CCDC148: variants seen among roughly 807,000 people sequenced by gnomAD.
The protein encoded by CCDC148 is coiled-coil domain-containing protein 148.
In CCDC148, 89 loss-of-function variants were observed where a neutral mutation model predicts 85.7. The ratio of observed to expected loss-of-function variants is 1.04; its 90% confidence interval spans 0.87 to 1.24. The LOEUF is 1.24. Ranked by LOEUF, CCDC148 falls within the 50% of genes most tolerant of loss-of-function variation. The pLI, the probability that CCDC148 is intolerant of heterozygous loss-of-function variation, is 0.00. For synonymous variants in CCDC148, 230 were observed against 213.9 expected, an observed-to-expected ratio of 1.08 and a Z score of -0.66; for missense variants, 692 against 671.7, an observed-to-expected ratio of 1.03 and a Z score of -0.33.
chr2:158,219,757 C>A (rs541918951), intron 11 of CCDC148, among the ~76,000 whole-genome samples: 6 of 152,188 alleles, frequency 3.9e-5, no homozygotes, highest in Non-Finnish European at 8.8e-5. Context: ...TCTTAACGCA[C>A]CCAAGAACTT....
At chr2:158,236,264 C>T (rs1426248765) in intron 10 of CCDC148, 2 of 152,084 alleles carry the variant, frequency 1.3e-5, no homozygotes, top group Non-Finnish European at 2.9e-5. Flanking sequence ...GTGATGCAGT[C>T]CCATGTCCTT....
chr2:158,223,216 ACTG>A (rs1687291405), intron 10 of CCDC148, among the ~76,000 whole-genome samples: 1 of 152,120 alleles, frequency 6.6e-6, no homozygotes, highest in Non-Finnish European at 1.5e-5. Context: ...ATCCTCACTC[ACTG>A]CTAGCACAGC....
chr2:158,436,894 C>G (rs2105338300), intron 1 of CCDC148, among the ~76,000 whole-genome samples: 1 of 152,276 alleles, frequency 6.6e-6, no homozygotes, highest in South Asian at 2.1e-4. Context: ...GGATAAATTC[C>G]TCGACACATA....
At chr2:158,440,301 T>C (rs1379942087) in intron 1 of CCDC148, among the ~76,000 whole-genome samples, 6 of 152,186 alleles carry the variant, frequency 3.9e-5, no homozygotes, top group African/African-American at 1.2e-4. Flanking sequence ...AACTGTTAAA[T>C]AGTTAAACAT....
chr2:158,191,091 A>T (rs1428645762), intron 11 of CCDC148, among the ~76,000 whole-genome samples: 1 of 152,046 alleles, frequency 6.6e-6, no homozygotes, highest in East Asian at 1.9e-4. Context: ...CTGGAGATAG[A>T]CATCTGTATG....
chr2:158,291,800 C>T (rs1228936637), intron 9 of CCDC148, among the ~76,000 whole-genome samples: 1 of 152,108 alleles, frequency 6.6e-6, no homozygotes, highest in Non-Finnish European at 1.5e-5. Context: ...GGTAGGTGCA[C>T]AAAAACTATT....
chr2:158,374,209 G>A (rs1013912242), intron 1 of CCDC148, among the ~76,000 whole-genome samples: 7 of 152,040 alleles, frequency 4.6e-5, no homozygotes, highest in African/African-American at 1.7e-4. Context: ...TTTCAGCACT[G>A]GCTCTAAGTT....
At chr2:158,205,809 T>A (rs1310942197) in intron 11 of CCDC148, among the ~76,000 whole-genome samples, 2 of 152,164 alleles carry the variant, frequency 1.3e-5, no homozygotes, top group Non-Finnish European at 1.5e-5. Context: ...CAGGCCATGA[T>A]GCAGATGGCA....
chr2:158,450,278 A>C (rs1688352946), intron 1 of CCDC148, among the ~76,000 whole-genome samples: 1 of 152,224 alleles, frequency 6.6e-6, no homozygotes, highest in South Asian at 2.1e-4. Context: ...TCAGGAAATA[A>C]TGAGGTCATA....
At chr2:158,437,181 G>T (rs939056337) in intron 1 of CCDC148, among the ~76,000 whole-genome samples, 49 of 152,060 alleles carry the variant, frequency 3.2e-4, no homozygotes, top group African/African-American at 1.1e-3. Context: ...CCAAAAAAGA[G>T]AATTTTAGAC....
Position 158,302,188 on chromosome 2 carries a change from A to G in CCDC148, c.1110+7245T>C, listed in dbSNP as rs1475230224. On this transcript the variant is annotated intron_variant, in intron 9 of 13. Coordinates refer to ENST00000283233, the MANE Select transcript of CCDC148 (RefSeq NM_138803.4). ...TAGAGGAAGGCCAGCACCTGGCAAG[A>G]GACAGAAAGGCATAGGGTGGGGAGG... Among the ~76,000 whole-genome samples the G allele has an allele frequency of 2.0e-4, 30 of 152,156 alleles. 1 individual carries two copies. Among genetic ancestry groups the G allele is most frequent in the Admixed American group, 2.0e-3 (30 of 15,280 alleles).
intron 1 of CCDC148, among the ~76,000 whole-genome samples, chr2:158,373,596 T>C (rs1414239928): frequency 6.6e-6 from 1 of 152,076 alleles, no homozygotes; most frequent in African/African-American, 2.4e-5. Context: ...CTTGTACTAC[T>C]ATTACACTTT....
Position 158,337,857 on chromosome 2 carries a change from G to A in CCDC148, c.764+869C>T, listed in dbSNP as rs114360999. Among the ~76,000 whole-genome samples, 882 of 152,280 alleles carry A rather than the reference G, an allele frequency of 5.8e-3. 5 individuals are homozygous for A. Among genetic ancestry groups the A allele is most frequent in the Non-Finnish European group, 9.6e-3 (652 of 68,032 alleles). ...TTCTTACAATTAATAGTTTCATACA[G>A]AGGAGCTGCAGTTCACAGGCAATTC... On this transcript the variant is annotated intron_variant, in intron 7 of 13. Coordinates refer to ENST00000283233, the MANE Select transcript of CCDC148 (RefSeq NM_138803.4).
chr2:158,442,992 G>A (rs1197279352), intron 1 of CCDC148, among the ~76,000 whole-genome samples: 1 of 152,142 alleles, frequency 6.6e-6, no homozygotes, highest in Non-Finnish European at 1.5e-5. Flanking sequence ...ATGACTACAG[G>A]TAGTGGCTCC....
rs189369528 is a variant in CCDC148, at chr2:158,224,290, A to G, written c.1252-3577T>C. 2.7e-3 allele frequency among the ~76,000 whole-genome samples: 409 copies of G among 152,318 alleles called. 3 individuals carry two copies. The highest frequency in any genetic ancestry group is 9.2e-3 in the African/African-American group (383 of 41,568). On this transcript the variant is annotated intron_variant, in intron 10 of 13. Transcript: ENST00000283233. ...AAACGAATAAAAAATAAATGAACAA[A>G]GCCTCCAAGAAATATGGGACTATGT...
intron 11 of CCDC148, among the ~76,000 whole-genome samples, chr2:158,187,921 TA>T (rs1685231500): frequency 6.6e-6 from 1 of 152,030 alleles, no homozygotes. Flanking sequence ...CAAGTGTAAC[TA>T]TATTACATTG....
intron 11 of CCDC148, among the ~76,000 whole-genome samples, chr2:158,187,854 C>A (rs1041213574): frequency 4.6e-5 from 7 of 152,006 alleles, no homozygotes; most frequent in African/African-American, 1.7e-4. Context: ...GTCCCAGATC[C>A]TTTGAGCTTT....
chr2:158,283,583 C>T (rs1690452405), intron 9 of CCDC148, among the ~76,000 whole-genome samples: 1 of 152,208 alleles, frequency 6.6e-6, no homozygotes, highest in Admixed American at 6.5e-5. Flanking sequence ...GAGATACTAT[C>T]TCACAACAGT....
At chr2:158,367,132 A>G (rs1475263415) in intron 1 of CCDC148, among the ~76,000 whole-genome samples, 1 of 152,176 alleles carries the variant, frequency 6.6e-6, no homozygotes, top group East Asian at 1.9e-4. Flanking sequence ...TAAAGGAGAG[A>G]AATGACAAGG....
Sources: gnomAD v4.1 joint callset for allele counts (sites outside exome capture counted in the v4.1 genomes callset) on GRCh38, gnomAD v4.1.1 for gene constraint, MANE v1.5 for transcripts, NCBI Gene and HGNC (gene_info 2026-07-23, HGNC 2026-07-21) for gene names.